LAMA1: variants seen among roughly 807,000 people sequenced by gnomAD.
LAMA1 encodes laminin subunit alpha-1.
A neutral mutation model predicts 348.7 loss-of-function variants in LAMA1; 219 were observed. The observed-to-expected ratio is 0.63, with a 90% CI of 0.56 to 0.70. The LOEUF (loss-of-function observed/expected upper bound fraction) is 0.70. Among genes scored for constraint, LAMA1 ranks in the 30% least tolerant of loss-of-function variants. The probability of loss-of-function intolerance (pLI) is 0.00; values close to 1 mark genes in which losing one functional copy is unlikely to be tolerated. For missense variants in LAMA1, 3,744 were observed against 3,888.0 expected (o/e 0.96, Z 0.99); for synonymous variants, 1,487 against 1,491.0 (o/e 1.00, Z 0.06).
intron 48 of LAMA1, among the ~76,000 whole-genome samples, chr18:6,967,584 C>T (rs1185824356): frequency 6.6e-6 from 1 of 152,230 alleles, no homozygotes; most frequent in African/African-American, 2.4e-5. Context: ...TAGAACAGTG[C>T]CTGGCACACA....
chr18:7,035,484 G>A (rs528100059), intron 13 of LAMA1, among the ~76,000 whole-genome samples: 87 of 151,908 alleles, frequency 5.7e-4, no homozygotes, highest in Non-Finnish European at 1.0e-3. Flanking sequence ...GTGCAGTGGT[G>A]CAATCACAGC....
At chr18:6,984,242 G>A (rs186646506) in intron 39 of LAMA1, among the ~76,000 whole-genome samples, 9 of 152,208 alleles carry the variant, frequency 5.9e-5, no homozygotes, top group Admixed American at 5.9e-4. Flanking sequence ...ATTTTTAATT[G>A]CTTTTGTTGT....
At chr18:7,013,134 C>A (rs1433528286) in intron 23 of LAMA1, among the ~76,000 whole-genome samples, 1 of 151,912 alleles carries the variant, frequency 6.6e-6, no homozygotes, top group Non-Finnish European at 1.5e-5. Flanking sequence ...GCACTCCAGC[C>A]TGAGAGACAG....
chr18:7,056,216 G>A (rs1285962722), intron 3 of LAMA1, among the ~76,000 whole-genome samples: 1 of 152,124 alleles, frequency 6.6e-6, no homozygotes, highest in Non-Finnish European at 1.5e-5. Flanking sequence ...TCAATATGTG[G>A]GTTGTGACCA....
At position 7,115,575 on chromosome 18, in the gene LAMA1, C is replaced by T. The variant is rs146459130; in HGVS notation, c.61+2085G>A. 1.3e-4 allele frequency among the ~76,000 whole-genome samples: 20 copies of T among 151,710 alleles called. No individual in the cohort carries two copies. In the East Asian group the frequency reaches 3.7e-3, roughly 28 times the overall value. On this transcript the variant is annotated intron_variant, in intron 1 of 62. Transcript: ENST00000389658. ...TATTTTAAAAAATAACACCAGACAA[C>T]TAACTAGCAGGTGATTTGCAGGTCA...
Position 6,975,976 on chromosome 18 carries a change from T to A in LAMA1, c.6450A>T (p.Glu2150Asp), listed in dbSNP as rs1600364154. 2.5e-6 allele frequency: 4 copies of A among 1,614,142 alleles called. No homozygotes were observed. In the East Asian group the frequency reaches 8.9e-5, roughly 36 times the overall value. The change falls in exon 45 of 63, where the codon GAA becomes GAT. Residue 2150 changes from glutamate to aspartate, a missense_variant. Coordinates refer to ENST00000389658, the MANE Select transcript of LAMA1 (RefSeq NM_005559.4). ...CGAGGTAGAAGAGAAGATTATCGGG[T>A]TCCTGTGTCTTAACATTTAGTGTTA... ...NTLTLNVKTQ[E>D]PDNLLFYLGS...
intron 13 of LAMA1, 60 bp from the exon 14 acceptor site, chr18:7,034,750 T>A: frequency 6.6e-7 from 1 of 1,513,788 alleles, no homozygotes; most frequent in Non-Finnish European, 9.1e-7. Context: ...AAAATAAAAA[T>A]AAAATCAAAT....
At chr18:7,017,414 C>T (rs552701688) in intron 19 of LAMA1, 30 bp from the exon 20 acceptor site, 29 of 1,487,224 alleles carry the variant, frequency 1.9e-5, no homozygotes, top group Non-Finnish European at 2.6e-5. Flanking sequence ...GACATATTAA[C>T]CCTCACTTCT....
At chr18:6,979,662 G>A (rs2057699477) in intron 42 of LAMA1, among the ~76,000 whole-genome samples, 1 of 152,218 alleles carries the variant, frequency 6.6e-6, no homozygotes, top group South Asian at 2.1e-4. Context: ...CACTTTGGGA[G>A]GCCAAGGCGG....
chr18:7,106,420 C>T (rs1288378661), intron 1 of LAMA1, among the ~76,000 whole-genome samples: 4 of 149,442 alleles, frequency 2.7e-5, no homozygotes, highest in East Asian at 2.0e-4. Flanking sequence ...AGTGCAGTGG[C>T]GTAATCTCAG....
At chr18:7,028,693 TG>T (rs1237085462) in intron 16 of LAMA1, among the ~76,000 whole-genome samples, 1 of 152,152 alleles carries the variant, frequency 6.6e-6, no homozygotes, top group Non-Finnish European at 1.5e-5. Flanking sequence ...GGTACATACA[TG>T]AAAAAATATG....
At chr18:6,996,080 A>T (rs4127406) in intron 33 of LAMA1, among the ~76,000 whole-genome samples, 1 of 152,178 alleles carries the variant, frequency 6.6e-6, no homozygotes, top group African/African-American at 2.4e-5. Flanking sequence ...CAAGACTGGC[A>T]GATATTATAC....
intron 3 of LAMA1, among the ~76,000 whole-genome samples, chr18:7,053,098 A>T (rs1023650099): frequency 1.3e-5 from 2 of 152,230 alleles, no homozygotes; most frequent in Non-Finnish European, 2.9e-5. Flanking sequence ...GCTACATACT[A>T]TATGATTCCA....
intron 60 of LAMA1, 144 bp from the exon 61 acceptor site, chr18:6,947,440 C>T: frequency 1.1e-6 from 1 of 910,920 alleles, no homozygotes; most frequent in Non-Finnish European, 1.7e-6. Context: ...GTCACTCCTG[C>T]CCTCTGAGCC....
Position 6,958,682 on chromosome 18 carries a change from A to C in LAMA1, c.7779-20T>G. The C allele has an allele frequency of 6.3e-7, 1 of 1,582,604 alleles. No individual in the cohort carries two copies. Among genetic ancestry groups the C allele is most frequent in the Non-Finnish European group, 8.7e-7 (1 of 1,151,484 alleles). ...ATAATTCTAAAAGACCAATGGAGAAAATAAATGAAAAGCTTTAAACATAAT... is the reference window on the plus strand; with the variant it reads ...ATAATTCTAAAAGACCAATGGAGAACATAAATGAAAAGCTTTAAACATAAT... On this transcript the variant is annotated intron_variant, in intron 54 of 62. Coordinates refer to ENST00000389658, the MANE Select transcript of LAMA1 (RefSeq NM_005559.4).
chr18:7,014,972 G>C (rs1460475267), intron 22 of LAMA1, among the ~76,000 whole-genome samples: 1 of 151,872 alleles, frequency 6.6e-6, no homozygotes, highest in African/African-American at 2.4e-5. Flanking sequence ...TCAGCCTCCT[G>C]AGTAGCTGGG....
intron 47 of LAMA1, chr18:6,972,298 G>C (rs971423890): frequency 5.4e-6 from 2 of 371,554 alleles, no homozygotes; most frequent in Non-Finnish European, 1.0e-5. Flanking sequence ...AGCTGGACCT[G>C]AGACCTAGAC....
At chr18:7,052,787 A>G (rs7235092) in intron 3 of LAMA1, among the ~76,000 whole-genome samples, 49,908 of 151,632 alleles carry the variant, frequency 0.33, 12,182 homozygotes, top group African/African-American at 0.7. Flanking sequence ...ACTTTGGGAG[A>G]CTGAGAGTGA....
chr18:7,066,256 C>A (rs191886605), intron 3 of LAMA1, among the ~76,000 whole-genome samples: 1 of 152,094 alleles, frequency 6.6e-6, no homozygotes, highest in Admixed American at 6.5e-5. Flanking sequence ...GGATACAAAT[C>A]GACACATTTT....
Sources: gnomAD v4.1 joint callset for allele counts (sites outside exome capture counted in the v4.1 genomes callset) on GRCh38, gnomAD v4.1.1 for gene constraint, MANE v1.5 for transcripts, NCBI Gene and HGNC (gene_info 2026-07-23, HGNC 2026-07-21) for gene names.